The following TMEM87A variants were observed in gnomAD, a reference collection of about 807,000 sequenced individuals.
TMEM87A encodes the protein transmembrane protein 87A.
Under a neutral mutation model 90.0 loss-of-function variants are expected in TMEM87A, and 50 were observed. The observed-to-expected ratio is 0.56, with a 90% confidence interval of 0.44 to 0.70. TMEM87A has a LOEUF of 0.70. Among genes scored for constraint, TMEM87A ranks in the 30% least tolerant of loss-of-function variants. The pLI is 0.00. For synonymous variants in TMEM87A, 226 were observed against 226.7 expected (o/e 1.00, Z 0.03); for missense variants, 577 against 660.5 (o/e 0.87, Z 1.39).
At position 42,236,303 on chromosome 15, in the gene TMEM87A, A is replaced by G; in HGVS notation, c.968+17T>C. On this transcript the variant is annotated intron_variant, in intron 10 of 19. Coordinates refer to ENST00000389834, the MANE Select transcript of TMEM87A (RefSeq NM_015497.5). ...AGCATTTTAATTTGCTCTTCCATAC[A>G]GGAAGTTAATACTTACTTGACGATG... The G allele has an allele frequency of 6.2e-7, 1 of 1,603,698 alleles. No homozygotes were observed. The highest frequency in any genetic ancestry group is 8.5e-7 in the Non-Finnish European group (1 of 1,170,588).
At chr15:42,253,982 G>A (rs555853725) in intron 6 of TMEM87A, among the ~76,000 whole-genome samples, 7 of 152,112 alleles carry the variant, frequency 4.6e-5, no homozygotes, top group East Asian at 1.9e-4. Context: ...CATCTGACCC[G>A]AGAGCCTGGG....
intron 3 of TMEM87A, 89 bp downstream of exon 3, chr15:42,267,858 A>T: frequency 9.6e-7 from 1 of 1,045,284 alleles, no homozygotes; most frequent in Non-Finnish European, 1.4e-6. Flanking sequence ...CTCCATAGCT[A>T]CATGATACTC....
chr15:42,244,761 G>A (rs2050940271), intron 6 of TMEM87A, among the ~76,000 whole-genome samples: 1 of 145,206 alleles, frequency 6.9e-6, no homozygotes, highest in Non-Finnish European at 1.5e-5. Context: ...TTGACTTTGA[G>A]GGGTAGTGAC....
At chr15:42,227,580 C>A in intron 14 of TMEM87A, 131 bp downstream of exon 14, 2 of 715,598 alleles carry the variant, frequency 2.8e-6, no homozygotes, top group Non-Finnish European at 4.7e-6. Flanking sequence ...GGAAGTATCA[C>A]AACCCTCAGA....
chr15:42,264,906 C>A (rs35943532), intron 3 of TMEM87A, among the ~76,000 whole-genome samples: 5 of 151,870 alleles, frequency 3.3e-5, no homozygotes, highest in Admixed American at 6.6e-5. Flanking sequence ...TCTTTGTGAT[C>A]ATGTGTTCTC....
intron 1 of TMEM87A, 123 bp from the exon 2 acceptor site, chr15:42,272,246 T>C (rs1343681206): frequency 1.6e-6 from 1 of 618,324 alleles, no homozygotes; most frequent in Non-Finnish European, 2.8e-6. Context: ...TACCCCTTAA[T>C]CAGTTCATTC....
intron 6 of TMEM87A, among the ~76,000 whole-genome samples, chr15:42,249,297 T>C (rs2140960618): frequency 6.6e-6 from 1 of 152,322 alleles, no homozygotes; most frequent in South Asian, 2.1e-4. Flanking sequence ...TCTGCTCTCA[T>C]CTTAGTTATT....
At chr15:42,239,954 C>T (rs1362448871) in intron 7 of TMEM87A, among the ~76,000 whole-genome samples, 2 of 152,136 alleles carry the variant, frequency 1.3e-5, no homozygotes, top group Non-Finnish European at 2.9e-5. Flanking sequence ...ATGCCTCCAC[C>T]ATAGTCTGAA....
Position 42,261,248 on chromosome 15 carries a change from G to T in TMEM87A, c.407C>A (p.Thr136Asn). 6.2e-7 allele frequency: 1 copy of T among 1,612,494 alleles called. No individual in the cohort carries two copies. ...TCGATGCATAAAATCTCCAGAAAAG[G>T]TCTATAAAAGAAACACAAAACAAAA... Reference protein sequence around the residue: ...QNCSELFKTQTFSGDFMHRLP... With the variant: ...QNCSELFKTQNFSGDFMHRLP... Residue 136 changes from threonine (T) to asparagine (N), a missense_variant and splice_region_variant, in exon 5 of 20, where the codon ACC (threonine) becomes AAC (asparagine). Physicochemically the swap from Thr to Asn is moderately conservative, Grantham distance 65. Transcript: ENST00000389834.
At chr15:42,226,189 G>A (rs1195764368) in intron 15 of TMEM87A, among the ~76,000 whole-genome samples, 4 of 151,952 alleles carry the variant, frequency 2.6e-5, no homozygotes, top group Non-Finnish European at 4.4e-5. Context: ...TAGTAGAGAC[G>A]GGGTTCCGCC....
intron 6 of TMEM87A, among the ~76,000 whole-genome samples, chr15:42,254,200 T>C (rs2051136147): frequency 6.6e-6 from 1 of 152,196 alleles, no homozygotes; most frequent in African/African-American, 2.4e-5. Context: ...AAGCTACAAG[T>C]GACAATCCAG....
intron 11 of TMEM87A, among the ~76,000 whole-genome samples, chr15:42,232,196 T>G (rs979093407): frequency 6.6e-6 from 1 of 152,190 alleles, no homozygotes; most frequent in Non-Finnish European, 1.5e-5. Flanking sequence ...ACCTTATACT[T>G]CTTCGTATTA....
intron 12 of TMEM87A, among the ~76,000 whole-genome samples, chr15:42,230,772 G>T (rs1458550660): frequency 6.6e-6 from 1 of 152,148 alleles, no homozygotes; most frequent in Admixed American, 6.5e-5. Context: ...CATAGTTCCT[G>T]AAATCAAATT....
At chr15:42,220,176 C>A in intron 15 of TMEM87A, 41 bp from the exon 16 acceptor site, 2 of 1,481,040 alleles carry the variant, frequency 1.4e-6, no homozygotes, top group Non-Finnish European at 1.8e-6. Flanking sequence ...AATTAGAAAA[C>A]TTCAAAAACT....
At chr15:42,251,895 G>A (rs575084284) in intron 6 of TMEM87A, among the ~76,000 whole-genome samples, 128 of 152,350 alleles carry the variant, frequency 8.4e-4, no homozygotes, top group South Asian at 4.8e-3. Context: ...GAGCTGTGGT[G>A]GGCTCCACCC....
At chr15:42,231,378 G>GA (rs1330995028) in intron 11 of TMEM87A, 118 bp from the exon 12 acceptor site, 1 of 711,976 alleles carries the variant, frequency 1.4e-6, no homozygotes, top group East Asian at 3.3e-5. Context: ...TGAACTGAAA[G>GA]AAAATAAAAA....
At chr15:42,241,614 G>C (rs946679585) in intron 7 of TMEM87A, among the ~76,000 whole-genome samples, 7 of 152,048 alleles carry the variant, frequency 4.6e-5, no homozygotes, top group Admixed American at 6.6e-5. Context: ...TAAAGGTTTC[G>C]ATGAAGGGAA....
intron 2 of TMEM87A, among the ~76,000 whole-genome samples, chr15:42,268,544 G>A (rs1319405767): frequency 5.9e-5 from 9 of 152,148 alleles, no homozygotes; most frequent in African/African-American, 1.9e-4. Context: ...GTACATGCTT[G>A]TAGTCCCAGC....
At chr15:42,260,809 T>A (rs2051272807) in intron 6 of TMEM87A, 149 bp downstream of exon 6, 3 of 790,028 alleles carry the variant, frequency 3.8e-6, no homozygotes, top group Non-Finnish European at 5.9e-6. Flanking sequence ...CATCCAGAGA[T>A]CCAACCATTT....
Sources: gnomAD v4.1 joint callset for allele counts (sites outside exome capture counted in the v4.1 genomes callset) on GRCh38, gnomAD v4.1.1 for gene constraint, MANE v1.5 for transcripts, NCBI Gene and HGNC (gene_info 2026-07-23, HGNC 2026-07-21) for gene names.